Variants in ACYP2 observed in about 807,000 individuals in gnomAD.
ACYP2 encodes acylphosphatase 2.
A neutral mutation model predicts 11.2 loss-of-function variants in ACYP2; 12 were observed. The ratio of observed to expected loss-of-function variants is 1.08; its 90% CI spans 0.69 to 1.74. ACYP2 has a LOEUF of 1.74. Ranked by LOEUF, ACYP2 falls within the 40% of genes most tolerant of loss-of-function variation. ACYP2 has a pLI of 0.00. For missense variants in ACYP2, 134 were observed against 101.9 expected, an observed-to-expected ratio of 1.31 and a Z score of -1.35; for synonymous variants, 43 against 32.2, an observed-to-expected ratio of 1.33 and a Z score of -1.13.
intron 6 of ACYP2, among the ~76,000 whole-genome samples, chr2:54,283,323 T>C (rs1386363012): frequency 1.3e-5 from 2 of 152,190 alleles, no homozygotes; most frequent in Non-Finnish European, 2.9e-5. Context: ...AAGCAATTCA[T>C]TGAACACCTT....
intron 6 of ACYP2, among the ~76,000 whole-genome samples, chr2:54,147,713 C>T (rs1681959825): frequency 6.6e-6 from 1 of 152,002 alleles, no homozygotes; most frequent in Non-Finnish European, 1.5e-5. Context: ...TTTGTAGAGA[C>T]AGGGTCCTAC....
intron 6 of ACYP2, among the ~76,000 whole-genome samples, chr2:54,275,191 C>T (rs1287527393): frequency 6.6e-6 from 1 of 152,178 alleles, no homozygotes; most frequent in East Asian, 1.9e-4. Context: ...GGCTGCTTTT[C>T]TTTATTTATT....
At chr2:54,028,321 G>A (rs1276089125) in intron 2 of ACYP2, among the ~76,000 whole-genome samples, 1 of 152,132 alleles carries the variant, frequency 6.6e-6, no homozygotes, top group African/African-American at 2.4e-5. Flanking sequence ...TTAAGGGGAC[G>A]AGAATGTTGG....
chr2:54,015,837 A>G (rs533783494), intron 2 of ACYP2, among the ~76,000 whole-genome samples: 1 of 152,144 alleles, frequency 6.6e-6, no homozygotes, highest in African/African-American at 2.4e-5. Flanking sequence ...AGTTGTCATT[A>G]TATTTTTGGA....
At chr2:53,973,315 T>A (rs772524066) in intron 1 of ACYP2, among the ~76,000 whole-genome samples, 13 of 151,982 alleles carry the variant, frequency 8.6e-5, no homozygotes, top group Non-Finnish European at 1.5e-4. Flanking sequence ...AATAATGGGG[T>A]AGGGAGAGCC....
intron 6 of ACYP2, among the ~76,000 whole-genome samples, chr2:54,233,965 T>C (rs1686358342): frequency 6.6e-6 from 1 of 152,240 alleles, no homozygotes; most frequent in Admixed American, 6.5e-5. Context: ...GATTTAACCA[T>C]GTCAGTGCAG....
Position 54,105,430 on chromosome 2 carries a change from C to T in ACYP2, c.278-30023C>T, listed in dbSNP as rs553233361. 3.3e-5 allele frequency among the ~76,000 whole-genome samples: 5 copies of T among 152,212 alleles called. No individual in the cohort carries two copies. In the East Asian group the frequency reaches 9.6e-4, roughly 29 times the overall value. On this transcript the variant is annotated intron_variant, in intron 4 of 6. Transcript: ENST00000607452. Reference sequence around the variant, plus strand: ...TCACTTCCCCAGAGACCTTCCCAGACAACCTCTCTAAGCCCTAATCTACCC... The same window carrying T: ...TCACTTCCCCAGAGACCTTCCCAGATAACCTCTCTAAGCCCTAATCTACCC...
chr2:54,304,739 A>C lies in ACYP2; in HGVS notation c.456A>C (p.Thr152=). ...GCCCTAGTTCTCGCATTGACCGCACAAACTTTTCTAATGAAAAAACCATCT... is the reference window on the plus strand; with the variant it reads ...GCCCTAGTTCTCGCATTGACCGCACCAACTTTTCTAATGAAAAAACCATCT... Residue 152 remains threonine (T), a synonymous_variant, in exon 7 of 7, where the codon ACA becomes ACC. Coordinates refer to ENST00000607452, the MANE Select transcript of ACYP2 (RefSeq NM_001320586.2). 6.2e-7 allele frequency: 1 copy of C among 1,612,376 alleles called. No individual in the cohort carries two copies. Among genetic ancestry groups the C allele is most frequent in the Non-Finnish European group, 8.5e-7 (1 of 1,179,672 alleles).
chr2:54,004,692 G>T lies in ACYP2; in HGVS notation c.62+30882G>T, dbSNP rs560043690. 2.3e-3 allele frequency among the ~76,000 whole-genome samples: 351 copies of T among 151,988 alleles called. 3 individuals carry two copies. The highest frequency in any genetic ancestry group is 8.3e-3 in the African/African-American group (344 of 41,478). ...CCCAAAGTGCTGGGATTACAGGTGT[G>T]AGCCACCGCGCTCAGCCAGTTTACC... On this transcript the variant is annotated intron_variant, in intron 2 of 6. Coordinates refer to ENST00000607452, the MANE Select transcript of ACYP2 (RefSeq NM_001320586.2).
chr2:54,086,950 T>C (rs1365273471), intron 4 of ACYP2, among the ~76,000 whole-genome samples: 1 of 152,258 alleles, frequency 6.6e-6, no homozygotes, highest in African/African-American at 2.4e-5. Flanking sequence ...ACCAGGATAC[T>C]TATAAAACAT....
intron 6 of ACYP2, among the ~76,000 whole-genome samples, chr2:54,225,236 G>A (rs1685963625): frequency 6.6e-6 from 1 of 152,204 alleles, no homozygotes; most frequent in African/African-American, 2.4e-5. Flanking sequence ...GTCTCTAGCA[G>A]GGGTGAGCCA....
At chr2:54,271,077 C>T (rs945332592) in intron 6 of ACYP2, among the ~76,000 whole-genome samples, 2 of 152,208 alleles carry the variant, frequency 1.3e-5, no homozygotes, top group Admixed American at 6.5e-5. Flanking sequence ...ACAGGTGGTG[C>T]TCCTTGCTCA....
chr2:54,039,816 C>G (rs935769801), intron 2 of ACYP2, among the ~76,000 whole-genome samples: 4 of 70,270 alleles, frequency 5.7e-5, no homozygotes, highest in Non-Finnish European at 1.2e-4. Flanking sequence ...TATTTGTTTT[C>G]TTTTGTGTGT....
chr2:53,999,352 G>T (rs1672702656), intron 2 of ACYP2, among the ~76,000 whole-genome samples: 1 of 152,130 alleles, frequency 6.6e-6, no homozygotes, highest in South Asian at 2.1e-4. Flanking sequence ...ATAAAACAAA[G>T]CCAAAAGCCA....
At chr2:54,082,944 G>A (rs1047996351) in intron 4 of ACYP2, among the ~76,000 whole-genome samples, 1 of 151,976 alleles carries the variant, frequency 6.6e-6, no homozygotes, top group African/African-American at 2.4e-5. Flanking sequence ...GCTTGGTGGT[G>A]AGCATCTGTA....
chr2:54,043,189 C>G (rs1396469805), intron 2 of ACYP2, among the ~76,000 whole-genome samples: 1 of 152,012 alleles, frequency 6.6e-6, no homozygotes, highest in Non-Finnish European at 1.5e-5. Context: ...TTGCCAAACC[C>G]CAGAACTCTT....
chr2:54,135,433 T>G lies in ACYP2; in HGVS notation c.278-20T>G. 6.2e-7 allele frequency: 1 copy of G among 1,605,476 alleles called. No homozygotes were observed. Among genetic ancestry groups the G allele is most frequent in the Middle Eastern group, 1.7e-4 (1 of 6,032 alleles). ...AAAGGAGGACAAGCTGACAATTCTTTTTATCTTTCTTTTATACAGGTGTTT... is the reference window on the plus strand; with the variant it reads ...AAAGGAGGACAAGCTGACAATTCTTGTTATCTTTCTTTTATACAGGTGTTT... On this transcript the variant is annotated intron_variant, in intron 4 of 6. Transcript: ENST00000607452.
Position 54,155,421 on chromosome 2 carries a change from G to T in ACYP2, c.404+16673G>T, listed in dbSNP as rs569336475. 1.2e-4 allele frequency among the ~76,000 whole-genome samples: 18 copies of T among 152,220 alleles called. No individual in the cohort carries two copies. The East Asian group carries it at 3.1e-3, about 26-fold the overall frequency. ...TATTCTTTTCTGATAGACTGCAGGG[G>T]TCCCCAACCCTTGTGACCTGTTAGG... is the stretch of plus-strand genomic sequence containing the variant. On this transcript the variant is annotated intron_variant, in intron 6 of 6. Coordinates refer to ENST00000607452, the MANE Select transcript of ACYP2 (RefSeq NM_001320586.2).
intron 4 of ACYP2, among the ~76,000 whole-genome samples, chr2:54,096,378 G>A (rs1402075938): frequency 4.7e-5 from 7 of 148,368 alleles, no homozygotes; most frequent in African/African-American, 7.5e-5. Flanking sequence ...GGCTCCTCAC[G>A]TCCCAGACGA....
Sources: allele counts gnomAD v4.1 joint callset (sites outside exome capture counted in the v4.1 genomes callset), GRCh38; gene constraint gnomAD v4.1.1; transcripts MANE v1.5; gene names NCBI Gene and HGNC (gene_info 2026-07-23, HGNC 2026-07-21).